Variants in KLF12 observed in about 807,000 individuals in gnomAD.
KLF12 encodes KLF transcription factor 12, also known as Krueppel-like factor 12.
A neutral mutation model predicts 37.8 loss-of-function variants in KLF12; 9 were observed. The ratio of observed to expected loss-of-function variants is 0.24; its 90% confidence interval spans 0.14 to 0.42. The LOEUF (loss-of-function observed/expected upper bound fraction) is 0.42, where lower values mean the gene tolerates loss of function less well. Among genes scored for constraint, KLF12 ranks in the 10% least tolerant of loss-of-function variants. The probability of loss-of-function intolerance (pLI) is 1.00; values close to 1 mark genes in which losing one functional copy is unlikely to be tolerated. For missense variants in KLF12, 411 were observed against 516.0 expected, an observed-to-expected ratio of 0.80 and a Z score of 1.97; for synonymous variants, 208 against 202.1, an observed-to-expected ratio of 1.03 and a Z score of -0.25.
intron 3 of KLF12, among the ~76,000 whole-genome samples, chr13:73,893,095 C>G (rs1887590634): frequency 6.6e-6 from 1 of 151,776 alleles, no homozygotes; most frequent in Non-Finnish European, 1.5e-5. Context: ...AGCAGGCTTT[C>G]TAACATCTTA....
chr13:73,930,791 G>A (rs1403433855), intron 3 of KLF12, among the ~76,000 whole-genome samples: 2 of 150,696 alleles, frequency 1.3e-5, no homozygotes, highest in Non-Finnish European at 3.0e-5. Context: ...AAGTAATAAA[G>A]CACAGCATTA....
intron 3 of KLF12, among the ~76,000 whole-genome samples, chr13:73,877,139 AT>A (rs571694760): frequency 6.6e-6 from 1 of 151,970 alleles, no homozygotes. Flanking sequence ...GTTATTCTCA[AT>A]TTTTTTTAAA....
At chr13:74,054,544 AT>A (rs201698992) in intron 1 of KLF12, among the ~76,000 whole-genome samples, 2,364 of 152,294 alleles carry the variant, frequency 0.016, 75 homozygotes, top group African/African-American at 0.053. Context: ...GAACTTCAAG[AT>A]TATCAAGTTC....
intron 1 of KLF12, among the ~76,000 whole-genome samples, chr13:74,060,492 G>GTGTGTGTGTGTGTGTGTGTGTGTC (rs1566523447): frequency 2.3e-4 from 24 of 103,134 alleles, no homozygotes; most frequent in African/African-American, 6.5e-4. Context: ...TTTTGTGTGT[G>GTGTGTGTGTGTGTGTGTGTGTGTC]TGTGTGTGTG....
chr13:73,775,247 T>C (rs1220194279), intron 5 of KLF12, among the ~76,000 whole-genome samples: 1 of 152,170 alleles, frequency 6.6e-6, no homozygotes, highest in East Asian at 1.9e-4. Flanking sequence ...TAAAAACTGA[T>C]TAATTCCACC....
the KLF12 span, among the ~76,000 whole-genome samples, chr13:74,304,452 A>G: frequency 6.6e-6 from 1 of 152,156 alleles, no homozygotes; most frequent in Non-Finnish European, 1.5e-5. Context: ...CTTAAATCTC[A>G]TGTCAGTATC....
intron 2 of KLF12, among the ~76,000 whole-genome samples, chr13:73,944,339 C>T (rs1890324671): frequency 1.3e-5 from 2 of 152,144 alleles, no homozygotes; most frequent in Admixed American, 1.3e-4. Flanking sequence ...GTATGGAAAC[C>T]TTACGTTAAT....
At chr13:74,295,284 C>G in the KLF12 span, among the ~76,000 whole-genome samples, 1 of 152,114 alleles carries the variant, frequency 6.6e-6, no homozygotes, top group East Asian at 1.9e-4. Flanking sequence ...TCTTTTGAAC[C>G]TCTTTCTTCA....
chr13:74,102,767 T>C (rs531666092), intron 1 of KLF12, among the ~76,000 whole-genome samples: 1 of 151,934 alleles, frequency 6.6e-6, no homozygotes, highest in Non-Finnish European at 1.5e-5. Context: ...ACCTGCACAC[T>C]TAAAAACTGT....
intron 2 of KLF12, among the ~76,000 whole-genome samples, chr13:73,960,165 T>C (rs759338022): frequency 1.3e-5 from 2 of 152,126 alleles, no homozygotes; most frequent in Non-Finnish European, 2.9e-5. Context: ...ACTAGATGAA[T>C]AGATTATGAG....
intron 1 of KLF12, among the ~76,000 whole-genome samples, chr13:74,090,611 C>A (rs1049869775): frequency 4.6e-5 from 7 of 151,984 alleles, no homozygotes; most frequent in Non-Finnish European, 1.0e-4. Context: ...TGATGATGAA[C>A]AATTTTCCAT....
At chr13:73,850,904 A>C (rs968956828) in intron 3 of KLF12, among the ~76,000 whole-genome samples, 4 of 152,360 alleles carry the variant, frequency 2.6e-5, no homozygotes, top group Admixed American at 1.3e-4. Flanking sequence ...CTGTCACAAG[A>C]ATCTTTGTTT....
At chr13:74,122,200 T>G (rs1877669011) in intron 1 of KLF12, among the ~76,000 whole-genome samples, 1 of 152,086 alleles carries the variant, frequency 6.6e-6, no homozygotes, top group South Asian at 2.1e-4. Context: ...AGGCAGATGG[T>G]TAGTGGCTTT....
chr13:73,876,950 C>T (rs1240547621), intron 3 of KLF12, among the ~76,000 whole-genome samples: 3 of 150,802 alleles, frequency 2.0e-5, no homozygotes, highest in African/African-American at 4.9e-5. Flanking sequence ...GGGAGGCAAA[C>T]GTTGCAGTGA....
At position 73,822,948 on chromosome 13, in the gene KLF12, C is replaced by T. The variant is rs139286016; in HGVS notation, c.671-9661G>A. On this transcript the variant is annotated intron_variant, in intron 4 of 7. Coordinates refer to ENST00000377669, the MANE Select transcript of KLF12 (RefSeq NM_007249.5). ...TCCAAACCAAGCCAATCAGCTCAAA[C>T]CGATTTATTCAAAACTGAAACTACT... is the stretch of plus-strand genomic sequence containing the variant. Among the ~76,000 whole-genome samples the T allele has an allele frequency of 5.9e-3, 904 of 152,212 alleles. 12 individuals carry two copies. The highest frequency in any genetic ancestry group is 0.02 in the African/African-American group (839 of 41,520).
At chr13:73,969,707 C>T (rs1891275118) in intron 2 of KLF12, among the ~76,000 whole-genome samples, 1 of 152,168 alleles carries the variant, frequency 6.6e-6, no homozygotes, top group South Asian at 2.1e-4. Context: ...TGGGATACTG[C>T]TTGGCACCAT....
chr13:74,181,740 A>T, the KLF12 span, among the ~76,000 whole-genome samples: 1 of 151,512 alleles, frequency 6.6e-6, no homozygotes, highest in East Asian at 1.9e-4. Flanking sequence ...AAAATGAGAC[A>T]TAAGAGATAA....
the KLF12 span, among the ~76,000 whole-genome samples, chr13:74,165,960 A>G: frequency 2.8e-4 from 43 of 152,332 alleles, no homozygotes; most frequent in Admixed American, 1.4e-3. Flanking sequence ...CTGAATGGTC[A>G]ACTCACAGAA....
At chr13:73,926,984 T>C (rs529668338) in intron 3 of KLF12, among the ~76,000 whole-genome samples, 5 of 146,900 alleles carry the variant, frequency 3.4e-5, no homozygotes, top group South Asian at 2.2e-4. Flanking sequence ...CTTCCCAAAG[T>C]GTTAACATGG....
Sources: gnomAD v4.1 joint callset for allele counts (sites outside exome capture counted in the v4.1 genomes callset) on GRCh38, gnomAD v4.1.1 for gene constraint, MANE v1.5 for transcripts, NCBI Gene and HGNC (gene_info 2026-07-23, HGNC 2026-07-21) for gene names.